Variants in TBC1D19 observed in about 807,000 individuals in gnomAD.
The protein encoded by TBC1D19 is TBC1 domain family, member 19.
Under a neutral mutation model 89.0 loss-of-function variants are expected in TBC1D19, and 60 were observed. The ratio of observed to expected loss-of-function variants is 0.67; its 90% CI spans 0.55 to 0.84. The LOEUF (loss-of-function observed/expected upper bound fraction) is 0.84. TBC1D19 is among the 40% of genes least tolerant of loss of function. TBC1D19 has a pLI of 0.00. For synonymous variants in TBC1D19, 189 were observed against 199.7 expected, an observed-to-expected ratio of 0.95 and a Z score of 0.45; for missense variants, 500 against 610.8, an observed-to-expected ratio of 0.82 and a Z score of 1.91.
chr4:26,609,897 G>A (rs1741253013), intron 1 of TBC1D19, among the ~76,000 whole-genome samples: 2 of 152,076 alleles, frequency 1.3e-5, no homozygotes, highest in Admixed American at 6.6e-5. Flanking sequence ...AGGCAGAAAT[G>A]TCTGCTCTAA....
chr4:26,761,676 C>CT, the TBC1D19 span, among the ~76,000 whole-genome samples: 1 of 151,930 alleles, frequency 6.6e-6, no homozygotes, highest in Non-Finnish European at 1.5e-5. Flanking sequence ...AATAGGTATG[C>CT]TTTTTTTTCT....
At chr4:26,644,406 A>G (rs951158944) in intron 7 of TBC1D19, among the ~76,000 whole-genome samples, 1 of 152,238 alleles carries the variant, frequency 6.6e-6, no homozygotes, top group Non-Finnish European at 1.5e-5. Flanking sequence ...TAAACTAGGT[A>G]TTGATGGAAC....
At chr4:26,680,678 C>G (rs1299776434) in intron 11 of TBC1D19, among the ~76,000 whole-genome samples, 3 of 152,108 alleles carry the variant, frequency 2.0e-5, no homozygotes, top group African/African-American at 7.2e-5. Context: ...CTACAACTAC[C>G]CTAATTAAAG....
chr4:26,735,342 A>G (rs924761992), intron 15 of TBC1D19, 113 bp from the exon 16 acceptor site: 2 of 782,830 alleles, frequency 2.6e-6, no homozygotes, highest in African/African-American at 3.7e-5. Context: ...ATTTATGAAC[A>G]GAGTTGAAGC....
In TBC1D19 at chr4:26,589,602, C is replaced by T. The variant is rs1021846558; in HGVS notation, c.99+5310C>T. Among the ~76,000 whole-genome samples the T allele has an allele frequency of 2.0e-5, 3 of 152,178 alleles. No individual in the cohort carries two copies. In the East Asian group the frequency reaches 5.8e-4, roughly 29 times the overall value. On this transcript the variant is annotated intron_variant, in intron 1 of 20. Transcript: ENST00000264866. The stretch of plus-strand genomic sequence containing the variant: ...TTCCATCCCCTTATCCCTTTGGCAG[C>T]CCAGTTCTGCCTTGTGTCTGTGGTA...
chr4:26,701,817 C>T (rs2109213179), intron 13 of TBC1D19, among the ~76,000 whole-genome samples: 1 of 152,244 alleles, frequency 6.6e-6, no homozygotes, highest in East Asian at 1.9e-4. Flanking sequence ...GTTTTTGGTC[C>T]TTCTTATGCC....
chr4:26,645,789 G>C (rs575320972), intron 7 of TBC1D19, among the ~76,000 whole-genome samples: 102 of 152,248 alleles, frequency 6.7e-4, no homozygotes, highest in African/African-American at 2.4e-3. Context: ...AATCTACAAA[G>C]AACTTAAACA....
chr4:26,849,275 A>G, the TBC1D19 span, among the ~76,000 whole-genome samples: 1 of 152,208 alleles, frequency 6.6e-6, no homozygotes, highest in Non-Finnish European at 1.5e-5. Flanking sequence ...AATTATTCAC[A>G]TGAAAATGTT....
chr4:26,720,198 T>G (rs1174045005), intron 15 of TBC1D19, 73 bp downstream of exon 15: 8 of 1,127,304 alleles, frequency 7.1e-6, no homozygotes, highest in Non-Finnish European at 8.8e-6. Flanking sequence ...AATGTGACTT[T>G]CTTATTCTCT....
At chr4:26,809,102 T>C in the TBC1D19 span, among the ~76,000 whole-genome samples, 1 of 152,200 alleles carries the variant, frequency 6.6e-6, no homozygotes, top group South Asian at 2.1e-4. Flanking sequence ...GGTAAAGTTG[T>C]GCTTTGCCAT....
chr4:26,677,531 CA>C (rs1315891097), intron 11 of TBC1D19, among the ~76,000 whole-genome samples: 1 of 152,082 alleles, frequency 6.6e-6, no homozygotes, highest in African/African-American at 2.4e-5. Flanking sequence ...CCATGTTAGC[CA>C]GGATGGTCTT....
chr4:26,627,836 T>G (rs988014029), intron 4 of TBC1D19, among the ~76,000 whole-genome samples: 1 of 152,086 alleles, frequency 6.6e-6, no homozygotes, highest in Admixed American at 6.5e-5. Context: ...TTTTGTAGGT[T>G]GCCTGTTCAC....
At chr4:26,590,562 C>G (rs1252418098) in intron 1 of TBC1D19, among the ~76,000 whole-genome samples, 2 of 152,006 alleles carry the variant, frequency 1.3e-5, no homozygotes, top group Non-Finnish European at 1.5e-5. Flanking sequence ...TTCAATGAAG[C>G]CTGTGTCTGC....
At chr4:26,699,563 C>T (rs969406226) in intron 13 of TBC1D19, among the ~76,000 whole-genome samples, 6 of 152,138 alleles carry the variant, frequency 3.9e-5, no homozygotes, top group African/African-American at 7.2e-5. Flanking sequence ...GACATGCACA[C>T]ATATGTTTAT....
chr4:26,808,484 G>A, the TBC1D19 span, among the ~76,000 whole-genome samples: 10 of 40,120 alleles, frequency 2.5e-4, 1 homozygote, highest in Non-Finnish European at 1.2e-4. Flanking sequence ...TGTAATCCCA[G>A]CACTTTGGAG....
intron 1 of TBC1D19, among the ~76,000 whole-genome samples, chr4:26,578,031 CCT>C (rs1407941698): frequency 2.0e-5 from 3 of 152,120 alleles, no homozygotes; most frequent in Non-Finnish European, 4.4e-5. Context: ...AATTCAGTGT[CCT>C]GTTTAAAAGG....
chr4:26,773,906 T>C, the TBC1D19 span, among the ~76,000 whole-genome samples: 1 of 152,210 alleles, frequency 6.6e-6, no homozygotes, highest in Non-Finnish European at 1.5e-5. Flanking sequence ...ACGTGTTGCC[T>C]GGAGGCCTCT....
At chr4:26,697,754 CA>C (rs757145723) in intron 13 of TBC1D19, among the ~76,000 whole-genome samples, 1 of 152,152 alleles carries the variant, frequency 6.6e-6, no homozygotes, top group Non-Finnish European at 1.5e-5. Flanking sequence ...GAACCAAAGA[CA>C]AAAACCACAT....
chr4:26,653,720 T>C (rs1744578975), intron 7 of TBC1D19, among the ~76,000 whole-genome samples: 1 of 152,208 alleles, frequency 6.6e-6, no homozygotes, highest in South Asian at 2.1e-4. Context: ...GTTTCCCATT[T>C]GCTTGGTAGA....
Sources: allele counts gnomAD v4.1 joint callset (sites outside exome capture counted in the v4.1 genomes callset), GRCh38; gene constraint gnomAD v4.1.1; transcripts MANE v1.5; gene names NCBI Gene and HGNC (gene_info 2026-07-23, HGNC 2026-07-21).